NMNAT2: variants seen among roughly 807,000 people sequenced by gnomAD.
The protein encoded by NMNAT2 is nicotinamide nucleotide adenylyltransferase 2.
A neutral mutation model predicts 41.6 loss-of-function variants in NMNAT2; 11 were observed. The ratio of observed to expected loss-of-function variants is 0.26; its 90% CI spans 0.17 to 0.44. NMNAT2 has a LOEUF of 0.44. Among genes scored for constraint, NMNAT2 ranks in the 20% least tolerant of loss-of-function variants. The pLI, the probability that NMNAT2 is intolerant of heterozygous loss-of-function variation, is 1.00. For missense variants in NMNAT2, 288 were observed against 407.7 expected (o/e 0.71, Z 2.53); for synonymous variants, 148 against 151.2 (o/e 0.98, Z 0.16).
chr1:183,376,235 T>A (rs1376264038), intron 1 of NMNAT2, among the ~76,000 whole-genome samples: 1 of 152,210 alleles, frequency 6.6e-6, no homozygotes, highest in African/African-American at 2.4e-5. Context: ...TCTCATTAGT[T>A]GAGAACCTAT....
chr1:183,287,856 T>G (rs1661436811), intron 4 of NMNAT2, among the ~76,000 whole-genome samples: 1 of 152,200 alleles, frequency 6.6e-6, no homozygotes, highest in Non-Finnish European at 1.5e-5. Context: ...CAGGCCATCT[T>G]GTGGGCAGAG....
chr1:183,248,940 G>GAGGAGAGT lies in NMNAT2; in HGVS notation c.*3693_*3700dup, dbSNP rs1477279182. ...TGTGTGTGTGTGTGTGTGTCAGTTT[G>GAGGAGAGT]AGGAGAGTAGAATTGGGCTGGTAAG... On this transcript the variant is annotated 3_prime_UTR_variant, in exon 11 of 11. Coordinates refer to ENST00000287713, the MANE Select transcript of NMNAT2 (RefSeq NM_015039.4). 1 of 151,614 alleles carries GAGGAGAGT rather than the reference G, an allele frequency of 6.6e-6. No homozygotes were observed. The highest frequency in any genetic ancestry group is 2.4e-5 in the African/African-American group (1 of 40,988). 9.4% of individuals were successfully genotyped at this position (151,614 alleles called of 1,614,324 possible).
intron 8 of NMNAT2, among the ~76,000 whole-genome samples, chr1:183,265,974 G>C (rs901301814): frequency 2.0e-5 from 3 of 152,216 alleles, no homozygotes; most frequent in African/African-American, 7.2e-5. Context: ...GAGATTTGAA[G>C]ATGCTCCACT....
rs1299575938 is a variant in NMNAT2, at chr1:183,278,629, T to G, written c.575A>C (p.Glu192Ala). 6.2e-7 allele frequency: 1 copy of G among 1,612,910 alleles called. No homozygotes were observed. Among genetic ancestry groups the G allele is most frequent in the Admixed American group, 1.7e-5 (1 of 59,992 alleles). Residue 192 changes from glutamate to alanine, a missense_variant and splice_region_variant, in exon 8 of 11, where the codon GAG (glutamate) becomes GCG (alanine). Transcript: ENST00000287713. The stretch of plus-strand genomic sequence containing the variant: ...ACCACACAGCAGCAGGATCCGTAGC[T>G]CTGAGGAAGGGGAGCAAAGTTTGCA... Reference protein sequence around the residue: ...LGTVMRYEEIELRILLLCGSD... With the variant: ...LGTVMRYEEIALRILLLCGSD...
rs113199346 is a variant in NMNAT2 at position 183,359,890 on chromosome 1, A to AT, written c.85+58292dup. The stretch of plus-strand genomic sequence containing the variant: ...AAAGACACCTGCAAGATAATGATAG[A>AT]TTTTTTCTCACAGCATTTTAGAACG... On this transcript the variant is annotated intron_variant, in intron 1 of 10. Transcript: ENST00000287713. Among the ~76,000 whole-genome samples, 214 of 152,206 alleles carry AT rather than the reference A, an allele frequency of 1.4e-3. 1 individual carries two copies. The highest frequency in any genetic ancestry group is 4.3e-3 in the African/African-American group (179 of 41,520).
intron 1 of NMNAT2, among the ~76,000 whole-genome samples, chr1:183,295,910 G>A (rs888690650): frequency 6.6e-6 from 1 of 152,038 alleles, no homozygotes; most frequent in Non-Finnish European, 1.5e-5. Context: ...GTGCAGTGGC[G>A]CCATCTCAGC....
intron 3 of NMNAT2, among the ~76,000 whole-genome samples, chr1:183,291,432 C>T (rs1661538226): frequency 6.6e-6 from 1 of 152,160 alleles, no homozygotes; most frequent in African/African-American, 2.4e-5. Context: ...GAAACAAACA[C>T]TTCACCTGGC....
chr1:183,269,325 A>G (rs1350760576), intron 8 of NMNAT2, among the ~76,000 whole-genome samples: 1 of 152,234 alleles, frequency 6.6e-6, no homozygotes, highest in Non-Finnish European at 1.5e-5. Context: ...TCATGAAGAC[A>G]GGGTTTCATT....
chr1:183,392,048 A>G (rs1048638949), intron 1 of NMNAT2, among the ~76,000 whole-genome samples: 13 of 152,280 alleles, frequency 8.5e-5, no homozygotes, highest in East Asian at 5.8e-4. Flanking sequence ...TACCAACTCT[A>G]TGCTGATGCC....
chr1:183,279,701 G>C (rs545289923), intron 7 of NMNAT2, among the ~76,000 whole-genome samples: 11 of 152,318 alleles, frequency 7.2e-5, no homozygotes, highest in African/African-American at 2.4e-4. Context: ...TCCTGAAGCA[G>C]GGGGGAGGCT....
chr1:183,298,749 G>T (rs1472905989), intron 1 of NMNAT2, among the ~76,000 whole-genome samples: 1 of 152,110 alleles, frequency 6.6e-6, no homozygotes, highest in Admixed American at 6.6e-5. Flanking sequence ...GAGTTGGATG[G>T]CATAGTCTAG....
intron 1 of NMNAT2, among the ~76,000 whole-genome samples, chr1:183,413,315 G>T (rs1411047073): frequency 6.6e-6 from 1 of 152,114 alleles, no homozygotes; most frequent in African/African-American, 2.4e-5. Context: ...CTTTTTCTGG[G>T]CTCAAGCGGA....
chr1:183,384,126 G>A (rs1329324101), intron 1 of NMNAT2, among the ~76,000 whole-genome samples: 1 of 152,172 alleles, frequency 6.6e-6, no homozygotes, highest in Non-Finnish European at 1.5e-5. Flanking sequence ...CATGGTGGAA[G>A]GTGAAGGGGA....
At chr1:183,412,747 G>A (rs1307435114) in intron 1 of NMNAT2, among the ~76,000 whole-genome samples, 1 of 152,170 alleles carries the variant, frequency 6.6e-6, no homozygotes, top group East Asian at 1.9e-4. Flanking sequence ...GAATAATTAA[G>A]CATTAGTCCA....
Position 183,252,575 on chromosome 1 carries a change from G to T in NMNAT2, c.*66C>A. On this transcript the variant is annotated 3_prime_UTR_variant, in exon 11 of 11. Coordinates refer to ENST00000287713, the MANE Select transcript of NMNAT2 (RefSeq NM_015039.4). ...GACGAGGAGATGGAGAAACAGAGAG[G>T]CAGGAGAGAAACAGGGGGCTGACAA... 9.1e-7 allele frequency: 1 copy of T among 1,102,070 alleles called. No homozygotes were observed. Among genetic ancestry groups the T allele is most frequent in the Non-Finnish European group, 1.4e-6 (1 of 712,362 alleles). The allele number at this position is 1,102,070 out of a possible 1,614,324, so 68.3% of individuals were successfully genotyped here.
At chr1:183,397,727 C>G (rs953752693) in intron 1 of NMNAT2, among the ~76,000 whole-genome samples, 1 of 152,188 alleles carries the variant, frequency 6.6e-6, no homozygotes, top group Non-Finnish European at 1.5e-5. Context: ...AGAAACTCTA[C>G]AAGCCAGAAG....
chr1:183,307,768 G>T (rs869740), intron 1 of NMNAT2, among the ~76,000 whole-genome samples: 10,477 of 152,208 alleles, frequency 0.069, 430 homozygotes, highest in Admixed American at 0.1. Context: ...TTTTAGTGGA[G>T]TCGGGGTTTC....
intron 1 of NMNAT2, among the ~76,000 whole-genome samples, chr1:183,415,074 TCCACCTCAGCCATCCTC>T (rs1649217941): frequency 6.6e-6 from 1 of 152,170 alleles, no homozygotes; most frequent in Non-Finnish European, 1.5e-5. Flanking sequence ...CTCCCAGGCT[TCCACCTCAGCCATCCTC>T]CCACCTCAGC....
intron 1 of NMNAT2, among the ~76,000 whole-genome samples, chr1:183,385,605 T>G (rs981680540): frequency 6.6e-6 from 1 of 152,122 alleles, no homozygotes; most frequent in Non-Finnish European, 1.5e-5. Context: ...GGAATTTTTT[T>G]TTTTTTTCCA....
Sources: allele counts gnomAD v4.1 joint callset (sites outside exome capture counted in the v4.1 genomes callset), GRCh38; gene constraint gnomAD v4.1.1; transcripts MANE v1.5; gene names NCBI Gene and HGNC (gene_info 2026-07-23, HGNC 2026-07-21).